The following PREP variants were observed in gnomAD, a reference collection of about 807,000 sequenced individuals.
PREP encodes the protein prolyl endopeptidase.
In PREP, 29 loss-of-function variants were observed where a neutral mutation model predicts 87.6. The observed-to-expected ratio is 0.33, with a 90% confidence interval of 0.25 to 0.45. The LOEUF (loss-of-function observed/expected upper bound fraction) is 0.45, where lower values mean the gene tolerates loss of function less well. PREP is among the 20% of genes least tolerant of loss of function. The pLI is 1.00. For missense variants in PREP, 695 were observed against 886.5 expected (o/e 0.78, Z 2.74); for synonymous variants, 337 against 328.6 (o/e 1.03, Z -0.28).
chr6:105,330,350 A>G (rs1168627573), intron 8 of PREP, among the ~76,000 whole-genome samples: 2 of 152,224 alleles, frequency 1.3e-5, no homozygotes, highest in Non-Finnish European at 2.9e-5. Flanking sequence ...AAGTCTGGGC[A>G]GGAAAGAAAA....
chr6:105,349,765 T>G (rs533556289), intron 7 of PREP, among the ~76,000 whole-genome samples: 1 of 152,114 alleles, frequency 6.6e-6, no homozygotes, highest in African/African-American at 2.4e-5. Flanking sequence ...ACAACATGGA[T>G]TGAGTTTTCA....
intron 7 of PREP, among the ~76,000 whole-genome samples, chr6:105,335,515 T>A (rs1771455374): frequency 6.6e-6 from 1 of 152,236 alleles, no homozygotes; most frequent in Admixed American, 6.5e-5. Context: ...GTTCTAACAC[T>A]ATTTAGTTGG....
chr6:105,373,150 C>T (rs955142157), intron 5 of PREP, among the ~76,000 whole-genome samples: 4 of 152,190 alleles, frequency 2.6e-5, no homozygotes, highest in African/African-American at 7.2e-5. Context: ...AACTACCTGG[C>T]CAACCCATAG....
intron 9 of PREP, among the ~76,000 whole-genome samples, chr6:105,324,721 T>C (rs1771103339): frequency 6.6e-6 from 1 of 152,226 alleles, no homozygotes; most frequent in Non-Finnish European, 1.5e-5. Context: ...ATAATCATTA[T>C]TAAAATGTCA....
At chr6:105,368,149 A>G (rs1407669341) in intron 6 of PREP, among the ~76,000 whole-genome samples, 1 of 152,230 alleles carries the variant, frequency 6.6e-6, no homozygotes, top group African/African-American at 2.4e-5. Context: ...AGGTGTCTCA[A>G]TGAGCTAAAA....
intron 1 of PREP, among the ~76,000 whole-genome samples, chr6:105,400,256 G>A (rs1428240469): frequency 1.3e-5 from 2 of 152,032 alleles, no homozygotes; most frequent in Non-Finnish European, 2.9e-5. Flanking sequence ...CCCTGATAAG[G>A]TACTGTACTA....
chr6:105,368,275 A>C (rs1772446399), intron 6 of PREP, among the ~76,000 whole-genome samples: 1 of 152,220 alleles, frequency 6.6e-6, no homozygotes, highest in Non-Finnish European at 1.5e-5. Context: ...GGAATGAACT[A>C]ACCAGAGTCA....
chr6:105,328,757 TC>T (rs1184729389), intron 9 of PREP, 71 bp downstream of exon 9: 3 of 1,501,330 alleles, frequency 2.0e-6, no homozygotes, highest in Non-Finnish European at 2.8e-6. Flanking sequence ...GCATTATACT[TC>T]CATTTCCCCA....
At chr6:105,402,155 C>T (rs1191927658) in intron 1 of PREP, among the ~76,000 whole-genome samples, 1 of 152,130 alleles carries the variant, frequency 6.6e-6, no homozygotes, top group Non-Finnish European at 1.5e-5. Context: ...AACCCCTCTC[C>T]CTTCTAAGAC....
chr6:105,391,756 G>A (rs898032483), intron 2 of PREP, among the ~76,000 whole-genome samples: 1 of 152,254 alleles, frequency 6.6e-6, no homozygotes, highest in Non-Finnish European at 1.5e-5. Flanking sequence ...GACCGACTGA[G>A]AGGAAGAAGG....
intron 13 of PREP, 100 bp from the exon 14 acceptor site, chr6:105,282,002 G>T: frequency 7.1e-7 from 1 of 1,403,700 alleles, no homozygotes. Flanking sequence ...CAGAGCCCTG[G>T]TTGCATTTAT....
Position 105,402,933 on chromosome 6 carries a change from C to G in PREP, c.-42G>C. On this transcript the variant is annotated 5_prime_UTR_variant, in exon 1 of 15. Coordinates refer to ENST00000652536, the MANE Select transcript of PREP (RefSeq NM_002726.5). ...GGGGCAGCGTGGAGGGGCGCGGGCTCCGGGAGCGGACCTGAGCTAGCCGGG... is the reference window on the plus strand; with the variant it reads ...GGGGCAGCGTGGAGGGGCGCGGGCTGCGGGAGCGGACCTGAGCTAGCCGGG... 7.8e-7 allele frequency: 1 copy of G among 1,284,462 alleles called. No individual in the cohort carries two copies. The highest frequency in any genetic ancestry group is 1.1e-6 in the Non-Finnish European group (1 of 941,656). 79.6% of individuals were successfully genotyped at this position (1,284,462 alleles called of 1,614,324 possible). A position where few individuals can be genotyped will look rare whatever the true frequency, so the allele number is the denominator to read the frequency against.
At chr6:105,373,117 T>C (rs1046740370) in intron 5 of PREP, among the ~76,000 whole-genome samples, 6 of 152,218 alleles carry the variant, frequency 3.9e-5, no homozygotes, top group African/African-American at 1.2e-4. Context: ...AGATACATGT[T>C]AGAACTCAGC....
At chr6:105,376,036 G>A in intron 4 of PREP, 89 bp downstream of exon 4, 1 of 1,460,612 alleles carries the variant, frequency 6.8e-7, no homozygotes, top group African/African-American at 1.4e-5. Flanking sequence ...CACCCTGCCT[G>A]GCATTTCAGA....
intron 7 of PREP, among the ~76,000 whole-genome samples, chr6:105,351,395 C>T (rs1771948751): frequency 7.5e-6 from 1 of 133,638 alleles, no homozygotes; most frequent in Non-Finnish European, 1.7e-5. Context: ...GAGCCTAGTG[C>T]ACCTCTGTAC....
Position 105,328,989 on chromosome 6 carries a change from T to C in PREP, c.1053A>G (p.Leu351=). 2 of 1,614,048 alleles carry C rather than the reference T, an allele frequency of 1.2e-6. No homozygotes were observed. Among genetic ancestry groups the C allele is most frequent in the Non-Finnish European group, 1.7e-6 (2 of 1,180,002 alleles). The change falls in exon 9 of 15, where the codon TTA becomes TTG. Residue 351 remains leucine (L), a synonymous_variant. Transcript: ENST00000652536. ...IACVRSNFLV[L]CYLHDVKNIL... is the part of the protein sequence containing the mutation. The stretch of plus-strand genomic sequence containing the variant: ...TGTTCTTGACGTCATGGAGGTAGCA[T>C]AAGACCAAGAAGTTGGACCTGACAC...
intron 11 of PREP, among the ~76,000 whole-genome samples, chr6:105,287,219 T>C (rs1200991039): frequency 6.6e-6 from 1 of 152,146 alleles, no homozygotes; most frequent in Non-Finnish European, 1.5e-5. Context: ...ATATTACATA[T>C]TTGTTATTAC....
chr6:105,309,410 T>C (rs1770713768), intron 10 of PREP, among the ~76,000 whole-genome samples: 1 of 151,982 alleles, frequency 6.6e-6, no homozygotes, highest in African/African-American at 2.4e-5. Context: ...AATGTGTTTA[T>C]GCGATCTCGA....
Position 105,378,538 on chromosome 6 carries a change from A to C in PREP, c.121-1019T>G, listed in dbSNP as rs569213801. On this transcript the variant is annotated intron_variant, in intron 2 of 14. Coordinates refer to ENST00000652536, the MANE Select transcript of PREP (RefSeq NM_002726.5). ...CAGCAACATGGTTTATAAGAAAGGC[A>C]AGAGATGGCCATCAGGAAATACTGG... 4.6e-5 allele frequency among the ~76,000 whole-genome samples: 7 copies of C among 152,334 alleles called. 1 individual carries two copies. Among genetic ancestry groups the C allele is most frequent in the African/African-American group, 1.7e-4 (7 of 41,588 alleles).
Sources: allele counts gnomAD v4.1 joint callset (sites outside exome capture counted in the v4.1 genomes callset), GRCh38; gene constraint gnomAD v4.1.1; transcripts MANE v1.5; gene names NCBI Gene and HGNC (gene_info 2026-07-23, HGNC 2026-07-21).